SMAD2: variants seen among roughly 807,000 people sequenced by gnomAD.
The protein encoded by SMAD2 is MAD homolog 2.
SMAD2 carries 8 observed loss-of-function variants against 64.4 expected under a neutral mutation model. The ratio of observed to expected loss-of-function variants is 0.12; its 90% CI spans 0.07 to 0.22. The LOEUF (loss-of-function observed/expected upper bound fraction) is 0.22. Ranked by LOEUF, SMAD2 falls within the 10% of genes least tolerant of loss-of-function variation. The pLI is 1.00. For missense variants in SMAD2, 289 were observed against 561.2 expected, an observed-to-expected ratio of 0.51 and a Z score of 4.90; for synonymous variants, 203 against 195.8, an observed-to-expected ratio of 1.04 and a Z score of -0.31.
intron 1 of SMAD2, among the ~76,000 whole-genome samples, chr18:47,926,951 T>C (rs1332922451): frequency 6.6e-6 from 1 of 152,156 alleles, no homozygotes; most frequent in Non-Finnish European, 1.5e-5. Flanking sequence ...GGGTTGGTAG[T>C]AAATTGCCCA....
Position 47,822,126 on chromosome 18 carries a change from T to C in SMAD2, c.*19701A>G, listed in dbSNP as rs960176227. ...GTTACATTTATGAGTATGTTATTGATATGAGTGTTCCAAAATTGTACGATG... is the reference window on the plus strand; with the variant it reads ...GTTACATTTATGAGTATGTTATTGACATGAGTGTTCCAAAATTGTACGATG... On this transcript the variant is annotated 3_prime_UTR_variant, in exon 11 of 11. Coordinates refer to ENST00000262160, the MANE Select transcript of SMAD2 (RefSeq NM_005901.6). 2.6e-5 allele frequency: 4 copies of C among 152,250 alleles called. No individual in the cohort carries two copies. The highest frequency in any genetic ancestry group is 9.6e-5 in the African/African-American group (4 of 41,474). The allele number at this position is 152,250 out of a possible 1,614,324, so 9.4% of individuals were successfully genotyped here.
chr18:47,857,366 T>C (rs113817752), intron 6 of SMAD2, among the ~76,000 whole-genome samples: 2,613 of 152,292 alleles, frequency 0.017, 67 homozygotes, highest in African/African-American at 0.059. Flanking sequence ...CCCAGTGCGA[T>C]AGCATCTTAG....
intron 2 of SMAD2, among the ~76,000 whole-genome samples, chr18:47,892,691 T>C (rs567130996): frequency 9.9e-5 from 15 of 152,166 alleles, no homozygotes; most frequent in Non-Finnish European, 2.1e-4. Flanking sequence ...TTTTTTCTAA[T>C]TCATATTAAA....
chr18:47,868,291 C>A lies in SMAD2; in HGVS notation c.655+32G>T, dbSNP rs72661145. On this transcript the variant is annotated intron_variant, in intron 5 of 10. Transcript: ENST00000262160. ...CTTATGAACAAAATTTGTATCTATC[C>A]AAGTTTTAGGAGATTCAGAAGGCAA... The A allele has an allele frequency of 6.8e-3, 10,887 of 1,589,372 alleles. 60 individuals carry two copies. Among genetic ancestry groups the A allele is most frequent in the East Asian group, 9.8e-3 (439 of 44,726 alleles).
chr18:47,885,176 C>T (rs28529363), intron 2 of SMAD2, among the ~76,000 whole-genome samples: 8,113 of 141,754 alleles, frequency 0.057, 603 homozygotes, highest in African/African-American at 0.17. Flanking sequence ...CACACACACA[C>T]ACACACATAT....
At chr18:47,898,720 C>T (rs567744137) in intron 1 of SMAD2, among the ~76,000 whole-genome samples, 13 of 152,016 alleles carry the variant, frequency 8.6e-5, no homozygotes, top group South Asian at 8.3e-4. Flanking sequence ...AAGAAGACTG[C>T]CATGATTAAA....
chr18:47,855,966 GT>G (rs1479007923), intron 6 of SMAD2, among the ~76,000 whole-genome samples: 10 of 152,110 alleles, frequency 6.6e-5, no homozygotes, highest in African/African-American at 2.2e-4. Flanking sequence ...GACAACCCAA[GT>G]GTCCCATCAA....
At position 47,835,854 on chromosome 18, in the gene SMAD2, G is replaced by A; in HGVS notation, c.*5973C>T. On this transcript the variant is annotated 3_prime_UTR_variant, in exon 11 of 11. Transcript: ENST00000262160. ...ATAAGTAAATCAAAGAGCATATTTG[G>A]AGAAACTAAGAGCTGTTAACTGTTT... 1 of 200,826 alleles carries A rather than the reference G, an allele frequency of 5.0e-6. No homozygotes were observed. The highest frequency in any genetic ancestry group is 7.7e-5 in the East Asian group (1 of 13,018). The allele number at this position is 200,826 out of a possible 1,614,324, so 12.4% of individuals were successfully genotyped here.
chr18:47,903,379 GA>G, intron 1 of SMAD2, among the ~76,000 whole-genome samples: 1 of 148,238 alleles, frequency 6.7e-6, no homozygotes, highest in Non-Finnish European at 1.5e-5. Flanking sequence ...GGGGTGGGGG[GA>G]AAGAAAATAA....
intron 10 of SMAD2, among the ~76,000 whole-genome samples, chr18:47,844,412 T>C (rs1914285362): frequency 6.6e-6 from 1 of 152,206 alleles, no homozygotes; most frequent in Non-Finnish European, 1.5e-5. Flanking sequence ...GAAGAAAGAC[T>C]AAGTATTTTA....
chr18:47,925,554 A>G (rs944677745), intron 1 of SMAD2, among the ~76,000 whole-genome samples: 19 of 128,292 alleles, frequency 1.5e-4, no homozygotes, highest in African/African-American at 5.0e-4. Context: ...TGAAGCTGCG[A>G]GCTATCTTTG....
rs1446155086 is a variant in SMAD2, at chr18:47,830,646, A to C, written c.*11181T>G. 6.6e-6 allele frequency: 1 copy of C among 151,928 alleles called. No individual in the cohort carries two copies. The highest frequency in any genetic ancestry group is 1.5e-5 in the Non-Finnish European group (1 of 68,044). The allele number at this position is 151,928 out of a possible 1,614,324, so 9.4% of individuals were successfully genotyped here. On this transcript the variant is annotated 3_prime_UTR_variant, in exon 11 of 11. Transcript: ENST00000262160. Reference sequence around the variant, plus strand: ...CTAAATGGCAAACCATTTAGAAGTGAGTCATCATTTGTATTAAAATCTTAT... The same window carrying C: ...CTAAATGGCAAACCATTTAGAAGTGCGTCATCATTTGTATTAAAATCTTAT...
intron 6 of SMAD2, among the ~76,000 whole-genome samples, chr18:47,855,912 C>T (rs1051836785): frequency 6.6e-6 from 1 of 152,136 alleles, no homozygotes; most frequent in African/African-American, 2.4e-5. Context: ...TGGCACGTTG[C>T]TTTTACTCTT....
intron 6 of SMAD2, among the ~76,000 whole-genome samples, chr18:47,856,652 T>C (rs1034998866): frequency 2.7e-4 from 41 of 152,138 alleles, no homozygotes; most frequent in Admixed American, 9.8e-4. Flanking sequence ...GCCAGACATA[T>C]AGTGTAATAA....
chr18:47,892,274 A>G (rs1301276249), intron 2 of SMAD2, among the ~76,000 whole-genome samples: 1 of 149,954 alleles, frequency 6.7e-6, no homozygotes, highest in African/African-American at 2.5e-5. Context: ...ATCTGGGCTC[A>G]CCGCAACCTG....
chr18:47,851,419 A>G (rs948276588), intron 6 of SMAD2, 92 bp from the exon 7 acceptor site: 2 of 787,574 alleles, frequency 2.5e-6, no homozygotes, highest in Non-Finnish European at 4.4e-6. Flanking sequence ...ATAATTATCA[A>G]CAATAATACA....
At position 47,919,518 on chromosome 18, in the gene SMAD2, AC is replaced by A. The variant is rs1187958273; in HGVS notation, c.-54+10842del. On this transcript the variant is annotated intron_variant, in intron 1 of 10. Coordinates refer to ENST00000262160, the MANE Select transcript of SMAD2 (RefSeq NM_005901.6). ...CACACACACACACACACACACACACACAAAGAATAGGAGATCTAACAAAGAA... is the reference window on the plus strand; with the variant it reads ...CACACACACACACACACACACACACAAAAGAATAGGAGATCTAACAAAGAA... Among the ~76,000 whole-genome samples the A allele has an allele frequency of 1.9e-3, 262 of 136,324 alleles. 1 individual carries two copies. Among genetic ancestry groups the A allele is most frequent in the Admixed American group, 5.2e-3 (68 of 13,034 alleles). The allele number at this position is 136,324 out of a possible 152,430, so 89.4% of individuals were successfully genotyped here.
At chr18:47,857,476 T>C (rs575156755) in intron 6 of SMAD2, among the ~76,000 whole-genome samples, 2 of 152,330 alleles carry the variant, frequency 1.3e-5, no homozygotes, top group East Asian at 3.9e-4. Context: ...AGAGTTCCCC[T>C]TATAGTTAGT....
chr18:47,879,611 A>T (rs961571189), intron 2 of SMAD2, among the ~76,000 whole-genome samples: 6 of 151,562 alleles, frequency 4.0e-5, no homozygotes, highest in Admixed American at 1.3e-4. Context: ...GCCAGGTTTT[A>T]ATTATTGTGA....
Sources: allele counts gnomAD v4.1 joint callset (sites outside exome capture counted in the v4.1 genomes callset), GRCh38; gene constraint gnomAD v4.1.1; transcripts MANE v1.5; gene names NCBI Gene and HGNC (gene_info 2026-07-23, HGNC 2026-07-21).